TTC28: variants seen among roughly 807,000 people sequenced by gnomAD.
TTC28 encodes the protein tetratricopeptide repeat domain 28.
Under a neutral mutation model 198.0 loss-of-function variants are expected in TTC28, and 61 were observed. The ratio of observed to expected loss-of-function variants is 0.31; its 90% CI spans 0.25 to 0.38. The LOEUF (loss-of-function observed/expected upper bound fraction) is 0.38. TTC28 is among the 10% of genes least tolerant of loss of function. The probability of loss-of-function intolerance (pLI) is 1.00; values close to 1 mark genes in which losing one functional copy is unlikely to be tolerated. For missense variants in TTC28, 2,678 were observed against 3,164.0 expected (o/e 0.85, Z 3.69); for synonymous variants, 1,171 against 1,297.8 (o/e 0.90, Z 2.10).
intron 11 of TTC28, among the ~76,000 whole-genome samples, chr22:28,094,928 G>A (rs1352192695): frequency 6.6e-6 from 1 of 152,100 alleles, no homozygotes; most frequent in Non-Finnish European, 1.5e-5. Flanking sequence ...AGCGCCCCCA[G>A]TGAAAGCTTC....
intron 5 of TTC28, among the ~76,000 whole-genome samples, chr22:28,167,880 T>C (rs566057521): frequency 3.3e-5 from 5 of 152,190 alleles, no homozygotes; most frequent in South Asian, 2.1e-4. Context: ...GAAGTCAAAT[T>C]GTCCCTGTTT....
At chr22:28,177,236 A>C (rs1192298203) in intron 5 of TTC28, among the ~76,000 whole-genome samples, 1 of 152,230 alleles carries the variant, frequency 6.6e-6, no homozygotes, top group Non-Finnish European at 1.5e-5. Context: ...GCAGATGGCA[A>C]GGAAGTATAC....
intron 12 of TTC28, among the ~76,000 whole-genome samples, chr22:28,042,172 C>T (rs1939665860): frequency 2.0e-5 from 3 of 152,048 alleles, no homozygotes; most frequent in Non-Finnish European, 2.9e-5. Flanking sequence ...GACAGTGTGG[C>T]GATTCCTCAA....
At chr22:28,192,187 G>A (rs550713081) in intron 5 of TTC28, among the ~76,000 whole-genome samples, 31 of 152,216 alleles carry the variant, frequency 2.0e-4, no homozygotes, top group African/African-American at 6.3e-4. Context: ...AGGGTCTGGA[G>A]TGGACCTCCA....
chr22:27,983,654 C>G lies in TTC28; in HGVS notation c.6013G>C (p.Val2005Leu). The change falls in exon 23 of 23, where the codon GTC (valine) becomes CTC (leucine). Residue 2005 changes from valine (V) to leucine (L), a missense_variant. Transcript: ENST00000397906. The stretch of plus-strand genomic sequence containing the variant: ...TCTGATCCACCCTCGGGTTTGGAGA[C>G]AAAGCTCATTGAGGAGGCAATGGAG... ...LSSIASSMSF[V>L]SKPEGGSEGG... 1.3e-6 allele frequency: 2 copies of G among 1,544,384 alleles called. No individual in the cohort carries two copies. Among genetic ancestry groups the G allele is most frequent in the Non-Finnish European group, 1.7e-6 (2 of 1,143,724 alleles).
chr22:28,303,886 T>G (rs1194273310), intron 3 of TTC28: 1 of 149,190 alleles, frequency 6.7e-6, no homozygotes. Flanking sequence ...CAAAAACAAC[T>G]GACATAACAG....
chr22:28,499,278 G>A (rs929103887), intron 2 of TTC28, among the ~76,000 whole-genome samples: 4 of 152,098 alleles, frequency 2.6e-5, no homozygotes, highest in Non-Finnish European at 4.4e-5. Flanking sequence ...GAAAATAAAC[G>A]AGAAATTTCA....
intron 2 of TTC28, among the ~76,000 whole-genome samples, chr22:28,593,453 GTAGA>G (rs896476936): frequency 3.4e-5 from 5 of 148,050 alleles, no homozygotes; most frequent in African/African-American, 9.9e-5. Flanking sequence ...AGGTAGATAG[GTAGA>G]TAGGTAGGTA....
intron 2 of TTC28, among the ~76,000 whole-genome samples, chr22:28,443,468 C>T (rs967903991): frequency 1.3e-5 from 2 of 152,190 alleles, no homozygotes; most frequent in Admixed American, 6.5e-5. Flanking sequence ...ACGCTGTTTT[C>T]GCTTCCTTCT....
At chr22:28,182,606 C>T (rs1275671795) in intron 5 of TTC28, among the ~76,000 whole-genome samples, 2 of 152,132 alleles carry the variant, frequency 1.3e-5, no homozygotes, top group East Asian at 1.9e-4. Context: ...CTTCTGGCTT[C>T]CATCCATGAA....
At chr22:28,268,070 A>C (rs947104274) in intron 5 of TTC28, among the ~76,000 whole-genome samples, 3 of 152,198 alleles carry the variant, frequency 2.0e-5, no homozygotes, top group African/African-American at 7.2e-5. Context: ...TACTCTGTAA[A>C]GAGATTAAAA....
At chr22:28,626,348 C>T (rs1402249368) in intron 2 of TTC28, among the ~76,000 whole-genome samples, 1 of 151,940 alleles carries the variant, frequency 6.6e-6, no homozygotes, top group Non-Finnish European at 1.5e-5. Flanking sequence ...GCCTTTAGAT[C>T]CTTACATAAA....
intron 1 of TTC28, among the ~76,000 whole-genome samples, chr22:28,674,203 C>T (rs1468744687): frequency 6.8e-6 from 1 of 147,754 alleles, no homozygotes; most frequent in Non-Finnish European, 1.5e-5. Flanking sequence ...TTTCTTGGGT[C>T]GTAGAAAGGT....
chr22:28,579,407 T>C (rs750157296), intron 2 of TTC28, among the ~76,000 whole-genome samples: 15 of 149,126 alleles, frequency 1.0e-4, no homozygotes, highest in Middle Eastern at 3.7e-3. Flanking sequence ...TATATAACTA[T>C]ACATACATAT....
intron 1 of TTC28, among the ~76,000 whole-genome samples, chr22:28,640,291 T>A: frequency 6.5e-5 from 5 of 76,670 alleles, no homozygotes; most frequent in East Asian, 4.7e-4. Flanking sequence ...CAAAATCAAC[T>A]ATAGAGGAGA....
intron 2 of TTC28, among the ~76,000 whole-genome samples, chr22:28,614,029 G>T (rs1170643963): frequency 1.3e-5 from 2 of 152,170 alleles, no homozygotes; most frequent in African/African-American, 4.8e-5. Flanking sequence ...TGACATGATT[G>T]TATATTTAGA....
intron 6 of TTC28, among the ~76,000 whole-genome samples, chr22:28,153,433 TTTTTG>T (rs1287153689): frequency 2.0e-5 from 3 of 150,742 alleles, no homozygotes; most frequent in African/African-American, 7.3e-5. Context: ...CGTTTTTTGT[TTTTTG>T]TTTTTTTTTT....
At chr22:28,295,165 G>A (rs2044869403) in intron 5 of TTC28, among the ~76,000 whole-genome samples, 1 of 152,134 alleles carries the variant, frequency 6.6e-6, no homozygotes, top group African/African-American at 2.4e-5. Context: ...GGCTTTCAAA[G>A]GCTTTTCTTC....
In TTC28 at chr22:28,409,953, G is replaced by A. The variant is rs556528412; in HGVS notation, c.382-103310C>T. Among the ~76,000 whole-genome samples the A allele has an allele frequency of 4.0e-3, 598 of 149,668 alleles. 7 individuals are homozygous for A. The highest frequency in any genetic ancestry group is 0.014 in the African/African-American group (569 of 40,578). ...GTTTTTTTTTTTGAGACAGAGTCTC[G>A]CTCTATCACCCAGGCTGGAGTGCAG... On this transcript the variant is annotated intron_variant, in intron 2 of 22. Transcript: ENST00000397906.
Sources: allele counts gnomAD v4.1 joint callset (sites outside exome capture counted in the v4.1 genomes callset), GRCh38; gene constraint gnomAD v4.1.1; transcripts MANE v1.5; gene names NCBI Gene and HGNC (gene_info 2026-07-23, HGNC 2026-07-21).